Variants in SLIT3 observed in about 807,000 individuals in gnomAD.
SLIT3 encodes the protein slit guidance ligand 3, also known as slit homolog 3 protein.
In SLIT3, 68 loss-of-function variants were observed where a neutral mutation model predicts 184.0. That is an observed-to-expected ratio of 0.37 (90% CI 0.30 to 0.45). The LOEUF (loss-of-function observed/expected upper bound fraction) is 0.45. Among genes scored for constraint, SLIT3 ranks in the 20% least tolerant of loss-of-function variants. The pLI, the probability that SLIT3 is intolerant of heterozygous loss-of-function variation, is 1.00. For missense variants in SLIT3, 1,707 were observed against 2,026.0 expected, an observed-to-expected ratio of 0.84 and a Z score of 3.02; for synonymous variants, 831 against 828.6, an observed-to-expected ratio of 1.00 and a Z score of -0.05.
chr5:168,978,487 G>A (rs1439017658), intron 4 of SLIT3, among the ~76,000 whole-genome samples: 1 of 152,146 alleles, frequency 6.6e-6, no homozygotes, highest in Non-Finnish European at 1.5e-5. Context: ...GGGCCTAGAG[G>A]TGAACATCTA....
chr5:169,235,670 C>G (rs1251047614), intron 3 of SLIT3, among the ~76,000 whole-genome samples: 1 of 152,148 alleles, frequency 6.6e-6, no homozygotes, highest in Admixed American at 6.5e-5. Context: ...TTGGCTGTGA[C>G]AGTTTTTCTG....
intron 3 of SLIT3, among the ~76,000 whole-genome samples, chr5:169,241,612 G>A (rs543248582): frequency 3.0e-4 from 46 of 152,232 alleles, no homozygotes; most frequent in African/African-American, 9.9e-4. Flanking sequence ...AAACTCAAGC[G>A]CTTTAATAAA....
At chr5:168,819,159 C>T (rs182352922) in intron 7 of SLIT3, among the ~76,000 whole-genome samples, 44 of 152,312 alleles carry the variant, frequency 2.9e-4, no homozygotes, top group East Asian at 7.7e-4. Context: ...GCTTGCTCTT[C>T]GCCTGGACTC....
At chr5:168,866,449 G>T (rs141934196) in intron 5 of SLIT3, among the ~76,000 whole-genome samples, 3 of 152,184 alleles carry the variant, frequency 2.0e-5, no homozygotes, top group Admixed American at 2.0e-4. Flanking sequence ...ATGAAGGCTT[G>T]GATATTAGGC....
rs1761085528 is a variant in SLIT3 at position 169,126,490 on chromosome 5, AT to A, written c.413+66988del. On this transcript the variant is annotated intron_variant, in intron 4 of 35. Coordinates refer to ENST00000519560, the MANE Select transcript of SLIT3 (RefSeq NM_003062.4). Reference sequence around the variant, plus strand: ...AGTCAGCATAAGAGAAATGTCTTTGATTCATAGTCAAGGGACTTTAGTGGTG... The same window carrying A: ...AGTCAGCATAAGAGAAATGTCTTTGATCATAGTCAAGGGACTTTAGTGGTG... Among the ~76,000 whole-genome samples, 3 of 152,212 alleles carry A rather than the reference AT, an allele frequency of 2.0e-5. No homozygotes were observed. The South Asian group carries it at 6.2e-4, about 31-fold the overall frequency.
chr5:169,102,654 T>G (rs555909243), intron 4 of SLIT3, among the ~76,000 whole-genome samples: 123 of 152,228 alleles, frequency 8.1e-4, no homozygotes, highest in African/African-American at 2.8e-3. Flanking sequence ...AGAGGACAAG[T>G]GTGTGTGTGT....
chr5:169,263,962 G>A (rs1766301676), intron 1 of SLIT3, among the ~76,000 whole-genome samples: 1 of 149,176 alleles, frequency 6.7e-6, no homozygotes, highest in Admixed American at 6.7e-5. Context: ...TCGGGGTGGA[G>A]AAACGGGGTT....
intron 4 of SLIT3, among the ~76,000 whole-genome samples, chr5:169,093,606 C>A (rs968008871): frequency 3.3e-5 from 5 of 152,166 alleles, no homozygotes; most frequent in African/African-American, 1.2e-4. Flanking sequence ...TTATGGGAAG[C>A]AGAGTTTTAC....
At chr5:168,723,705 A>C (rs995435345) in intron 21 of SLIT3, among the ~76,000 whole-genome samples, 3 of 152,228 alleles carry the variant, frequency 2.0e-5, no homozygotes, top group Non-Finnish European at 4.4e-5. Context: ...TGCAACCTCG[A>C]GCTTCCCTGC....
At chr5:168,798,239 TAA>T (rs1756644393) in intron 9 of SLIT3, among the ~76,000 whole-genome samples, 2 of 148,064 alleles carry the variant, frequency 1.4e-5, no homozygotes, top group Admixed American at 1.3e-4. Flanking sequence ...TTTTTTTTTT[TAA>T]GAGACAGAGT....
chr5:168,735,098 C>A (rs1022879988), intron 20 of SLIT3, among the ~76,000 whole-genome samples: 5 of 152,190 alleles, frequency 3.3e-5, no homozygotes, highest in African/African-American at 1.2e-4. Flanking sequence ...CAGGAGACTG[C>A]CCTCTTGCCC....
At chr5:168,820,021 AT>A (rs1393568977) in intron 7 of SLIT3, among the ~76,000 whole-genome samples, 3 of 152,226 alleles carry the variant, frequency 2.0e-5, no homozygotes, top group African/African-American at 7.2e-5. Context: ...AGCTGGGTAG[AT>A]TCTTGCCTTT....
intron 23 of SLIT3, among the ~76,000 whole-genome samples, chr5:168,713,396 A>G (rs770416233): frequency 2.0e-5 from 3 of 152,250 alleles, no homozygotes; most frequent in Admixed American, 6.5e-5. Flanking sequence ...TCCGTGCTCA[A>G]GTAGCAACAC....
chr5:168,762,676 G>A lies in SLIT3; in HGVS notation c.1473C>T (p.Tyr491=). 2 of 1,613,800 alleles carry A rather than the reference G, an allele frequency of 1.2e-6. No individual in the cohort carries two copies. The highest frequency in any genetic ancestry group is 1.1e-5 in the South Asian group (1 of 91,078). Residue 491 remains tyrosine, a synonymous_variant, in exon 15 of 36, where the codon TAC becomes TAT. Coordinates refer to ENST00000519560, the MANE Select transcript of SLIT3 (RefSeq NM_003062.4). ...AGCACTCGCTGCTGAACCTGCTGCG[G>A]TAATCCTCGGAGCCTGGGAGGGGCC... The part of the protein sequence containing the change: ...KKFRCSGSED[Y]RSRFSSECFM...
At chr5:168,938,680 G>A (rs1174134665) in intron 4 of SLIT3, among the ~76,000 whole-genome samples, 1 of 152,090 alleles carries the variant, frequency 6.6e-6, no homozygotes, top group East Asian at 1.9e-4. Flanking sequence ...ACCCAGGCTG[G>A]AGTGCAGTGG....
chr5:168,740,766 C>T (rs1475573955), intron 20 of SLIT3, among the ~76,000 whole-genome samples: 2 of 152,222 alleles, frequency 1.3e-5, no homozygotes, highest in Non-Finnish European at 2.9e-5. Context: ...AATCAGGTCT[C>T]CTCCCAAAGT....
intron 6 of SLIT3, among the ~76,000 whole-genome samples, chr5:168,826,230 A>G (rs1757700084): frequency 1.3e-5 from 2 of 152,220 alleles, no homozygotes; most frequent in African/African-American, 4.8e-5. Context: ...CGATAATAGC[A>G]ATTATTCCAG....
At chr5:168,907,327 A>G (rs1761083845) in intron 4 of SLIT3, among the ~76,000 whole-genome samples, 1 of 152,198 alleles carries the variant, frequency 6.6e-6, no homozygotes, top group Non-Finnish European at 1.5e-5. Flanking sequence ...GGCTGACCAT[A>G]AGAGCCTAAT....
intron 11 of SLIT3, 74 bp from the exon 12 acceptor site, chr5:168,786,052 T>C: frequency 2.0e-6 from 2 of 1,021,510 alleles, no homozygotes; most frequent in Non-Finnish European, 3.1e-6. Context: ...CAGGAAGCCA[T>C]CACCTCGGCC....
Sources: allele counts gnomAD v4.1 joint callset (sites outside exome capture counted in the v4.1 genomes callset), GRCh38; gene constraint gnomAD v4.1.1; transcripts MANE v1.5; gene names NCBI Gene and HGNC (gene_info 2026-07-23, HGNC 2026-07-21).